The following PKD2 variants were observed in gnomAD, a reference collection of about 807,000 sequenced individuals.
The protein encoded by PKD2 is polycystin-2.
A neutral mutation model predicts 105.9 loss-of-function variants in PKD2; 48 were observed. The observed-to-expected ratio is 0.45, with a 90% confidence interval of 0.36 to 0.58. The LOEUF (loss-of-function observed/expected upper bound fraction) is 0.58, where lower values mean the gene tolerates loss of function less well. Ranked by LOEUF, PKD2 falls within the 20% of genes least tolerant of loss-of-function variation. The probability of loss-of-function intolerance (pLI) is 0.00; values close to 1 mark genes in which losing one functional copy is unlikely to be tolerated. For missense variants in PKD2, 1,078 were observed against 1,255.3 expected (o/e 0.86, Z 2.13); for synonymous variants, 464 against 481.1 (o/e 0.96, Z 0.46).
chr4:88,070,589 T>G (rs1358077386), intron 13 of PKD2, among the ~76,000 whole-genome samples: 103 of 105,296 alleles, frequency 9.8e-4, no homozygotes, highest in Non-Finnish European at 1.2e-3. Context: ...TATATATATA[T>G]ATATATATAT....
At chr4:88,040,686 A>G (rs566300995) in intron 4 of PKD2, among the ~76,000 whole-genome samples, 1 of 152,308 alleles carries the variant, frequency 6.6e-6, no homozygotes, top group Non-Finnish European at 1.5e-5. Context: ...CTCAGTTTTT[A>G]TCCCCTTCAT....
chr4:88,067,510 A>T (rs1360741620), intron 12 of PKD2, among the ~76,000 whole-genome samples: 2 of 152,144 alleles, frequency 1.3e-5, no homozygotes, highest in African/African-American at 2.4e-5. Context: ...TTTTTAAAAA[A>T]TTTTTTGTGG....
Position 88,043,440 on chromosome 4 carries a change from C to T in PKD2, c.1302C>T (p.Asn434=), listed in dbSNP as rs1369401235. The T allele has an allele frequency of 1.2e-6, 2 of 1,611,888 alleles. No individual in the cohort carries two copies. Among genetic ancestry groups the T allele is most frequent in the African/African-American group, 1.3e-5 (1 of 74,974 alleles). Residue 434 remains asparagine (N), a synonymous_variant, in exon 5 of 15, where the codon AAC becomes AAT. Coordinates refer to ENST00000237596, the MANE Select transcript of PKD2 (RefSeq NM_000297.4). ...TCTCAGTGTACAACGCCAACATTAA[C>T]CTGTTCTGTGTGGTCAGGTGTGTAC... ...IDFSVYNANI[N]LFCVVRLLVE... is the part of the protein sequence containing the mutation.
At chr4:88,073,494 C>G (rs1480389276) in intron 13 of PKD2, among the ~76,000 whole-genome samples, 1 of 151,996 alleles carries the variant, frequency 6.6e-6, no homozygotes, top group African/African-American at 2.4e-5. Context: ...CCACTGCACT[C>G]CAGCCTGGGC....
intron 9 of PKD2, among the ~76,000 whole-genome samples, chr4:88,059,396 A>G (rs1449266413): frequency 2.6e-5 from 4 of 152,174 alleles, no homozygotes; most frequent in Admixed American, 6.5e-5. Context: ...GAGTACCTGA[A>G]TCTCTACTAA....
intron 10 of PKD2, among the ~76,000 whole-genome samples, chr4:88,063,238 T>C (rs752930518): frequency 2.0e-5 from 3 of 152,368 alleles, no homozygotes; most frequent in Non-Finnish European, 4.4e-5. Flanking sequence ...TGTGACATTT[T>C]ACAAAAATGG....
chr4:88,072,757 G>A (rs960718507), intron 13 of PKD2, among the ~76,000 whole-genome samples: 1 of 152,180 alleles, frequency 6.6e-6, no homozygotes, highest in Admixed American at 6.5e-5. Flanking sequence ...ATGGGAACAG[G>A]CTGGGCACAG....
rs576953516 is a variant in PKD2, at chr4:88,034,256, G to A, written c.710-1964G>A. On this transcript the variant is annotated intron_variant, in intron 2 of 14. Transcript: ENST00000237596. ...TCTAGATACAGTATACAAGTTGTGT[G>A]TATTATGTGTATTTACTCTGTAATT... 5.9e-5 allele frequency among the ~76,000 whole-genome samples: 9 copies of A among 152,212 alleles called. No homozygotes were observed. In the East Asian group the frequency reaches 1.7e-3, roughly 29 times the overall value.
intron 5 of PKD2, among the ~76,000 whole-genome samples, chr4:88,044,392 C>A (rs1213245435): frequency 6.6e-6 from 1 of 152,148 alleles, no homozygotes; most frequent in Non-Finnish European, 1.5e-5. Context: ...TGTTTATTCT[C>A]ATAATAGTCT....
At chr4:88,056,323 A>G (rs1251450311) in intron 8 of PKD2, 56 bp downstream of exon 8, 2 of 1,088,756 alleles carry the variant, frequency 1.8e-6, no homozygotes, top group African/African-American at 3.1e-5. Context: ...ACTGCTTCTC[A>G]AGAATAAATC....
chr4:88,023,700 A>G (rs1466646896), intron 2 of PKD2, among the ~76,000 whole-genome samples: 1 of 152,240 alleles, frequency 6.6e-6, no homozygotes, highest in Non-Finnish European at 1.5e-5. Flanking sequence ...TGGAAATATC[A>G]TTGTGAAGAT....
At chr4:88,010,539 C>A (rs1726351203) in intron 1 of PKD2, among the ~76,000 whole-genome samples, 1 of 152,184 alleles carries the variant, frequency 6.6e-6, no homozygotes, top group African/African-American at 2.4e-5. Flanking sequence ...CTTATATGCA[C>A]TATGTAAGCA....
chr4:88,010,048 T>G lies in PKD2; in HGVS notation c.595+1720T>G, dbSNP rs1726330927. ...ATAGTCATAAAACCTCTAGCCAAAG[T>G]GTGTCAATGGTCTGATTTGTAGGAG... On this transcript the variant is annotated intron_variant, in intron 1 of 14. Coordinates refer to ENST00000237596, the MANE Select transcript of PKD2 (RefSeq NM_000297.4). Among the ~76,000 whole-genome samples the G allele has an allele frequency of 2.0e-5, 3 of 152,046 alleles. No homozygotes were observed. In the South Asian group the frequency reaches 6.2e-4, roughly 32 times the overall value.
intron 9 of PKD2, among the ~76,000 whole-genome samples, chr4:88,059,070 G>A (rs768081576): frequency 6.6e-6 from 1 of 152,194 alleles, no homozygotes; most frequent in African/African-American, 2.4e-5. Flanking sequence ...GTCAGTCCAG[G>A]TATTACTGGT....
rs998525739 is a variant in PKD2 at position 88,075,882 on chromosome 4, T to C, written c.*188T>C. 26 of 617,918 alleles carry C rather than the reference T, an allele frequency of 4.2e-5. No homozygotes were observed. In the African/African-American group the frequency reaches 4.3e-4, roughly 10 times the overall value. 38.3% of individuals were successfully genotyped at this position (617,918 alleles called of 1,614,324 possible). A position where few individuals can be genotyped will look rare whatever the true frequency, so the allele number is the denominator to read the frequency against. The stretch of plus-strand genomic sequence containing the variant: ...CATGGTTCAAAGATTTTTTTTTCTT[T>C]TTCTCATATAAGAAATCTAGGTGTA... On this transcript the variant is annotated 3_prime_UTR_variant, in exon 15 of 15. Coordinates refer to ENST00000237596, the MANE Select transcript of PKD2 (RefSeq NM_000297.4).
At chr4:88,009,479 C>T (rs552619773) in intron 1 of PKD2, among the ~76,000 whole-genome samples, 1 of 135,444 alleles carries the variant, frequency 7.4e-6, no homozygotes, top group Admixed American at 7.1e-5. Context: ...TCTCTGATAC[C>T]CAATTTTTGG....
chr4:88,038,764 C>A (rs1489519333), intron 4 of PKD2, among the ~76,000 whole-genome samples: 1 of 152,170 alleles, frequency 6.6e-6, no homozygotes, highest in East Asian at 1.9e-4. Flanking sequence ...AATTAATTAT[C>A]TGAGCGTTTG....
chr4:88,051,433 A>T (rs1720090032), intron 6 of PKD2, among the ~76,000 whole-genome samples: 1 of 152,184 alleles, frequency 6.6e-6, no homozygotes, highest in South Asian at 2.1e-4. Flanking sequence ...GGCAGGATTT[A>T]TGCAGTTTAC....
At chr4:88,055,255 C>T (rs1391839783) in intron 7 of PKD2, among the ~76,000 whole-genome samples, 3 of 152,182 alleles carry the variant, frequency 2.0e-5, no homozygotes. Flanking sequence ...GTACATAAAG[C>T]CCTCCACATA....
Sources: gnomAD v4.1 joint callset for allele counts (sites outside exome capture counted in the v4.1 genomes callset) on GRCh38, gnomAD v4.1.1 for gene constraint, MANE v1.5 for transcripts, NCBI Gene and HGNC (gene_info 2026-07-23, HGNC 2026-07-21) for gene names.